The following AIG1 variants were observed in gnomAD, a reference collection of about 807,000 sequenced individuals.
AIG1 encodes androgen-induced gene 1 protein.
AIG1 carries 23 observed loss-of-function variants against 31.4 expected under a neutral mutation model. That is an observed-to-expected ratio of 0.73 (90% CI 0.53 to 1.04). AIG1 has a LOEUF of 1.04. AIG1 is among the 50% of genes least tolerant of loss of function. AIG1 has a pLI of 0.00. For synonymous variants in AIG1, 100 were observed against 110.5 expected (o/e 0.90, Z 0.60); for missense variants, 274 against 295.0 (o/e 0.93, Z 0.52).
chr6:143,151,326 G>T (rs554127838), intron 2 of AIG1, among the ~76,000 whole-genome samples: 2 of 152,126 alleles, frequency 1.3e-5, no homozygotes, highest in Non-Finnish European at 2.9e-5. Flanking sequence ...TGTTCTAAAT[G>T]TAAATGGCAA....
chr6:143,060,528 G>T (rs1053456163), upstream of AIG1: 1 of 282,472 alleles, frequency 3.5e-6, no homozygotes, highest in Non-Finnish European at 8.1e-6. Flanking sequence ...CTTCCCCCTG[G>T]AGATCAGCGC....
At chr6:143,237,759 G>GA (rs1188565246) in intron 3 of AIG1, among the ~76,000 whole-genome samples, 2 of 152,082 alleles carry the variant, frequency 1.3e-5, no homozygotes, top group Non-Finnish European at 2.9e-5. Context: ...AGAGAAGCAG[G>GA]AAAAAGAAAT....
In AIG1 at chr6:143,164,915, A is replaced by G. The variant is rs916393521; in HGVS notation, c.298-167A>G. ...AGGAGGCACCTTACCTTTTACTGCT[A>G]ATGGAATGAAGCTAGACCTGTGTTT... On this transcript the variant is annotated intron_variant, in intron 2 of 5. Transcript: ENST00000357847. 3 of 532,022 alleles carry G rather than the reference A, an allele frequency of 5.6e-6. No homozygotes were observed. In the African/African-American group the frequency reaches 5.8e-5, roughly 10 times the overall value. 33.0% of individuals were successfully genotyped at this position (532,022 alleles called of 1,614,324 possible). A position where few individuals can be genotyped will look rare whatever the true frequency, so the allele number is the denominator to read the frequency against.
intron 3 of AIG1, among the ~76,000 whole-genome samples, chr6:143,272,853 A>G (rs1259110641): frequency 6.6e-6 from 1 of 152,192 alleles, no homozygotes; most frequent in Non-Finnish European, 1.5e-5. Flanking sequence ...GATTTTGGCC[A>G]GGCGCGGTGG....
At chr6:143,202,479 A>C (rs1790775096) in intron 3 of AIG1, among the ~76,000 whole-genome samples, 1 of 152,244 alleles carries the variant, frequency 6.6e-6, no homozygotes, top group Non-Finnish European at 1.5e-5. Flanking sequence ...AATTTGTTAA[A>C]GATAAACTTA....
chr6:143,060,848 G>A, upstream of AIG1: 1 of 981,136 alleles, frequency 1.0e-6, no homozygotes, highest in South Asian at 4.3e-5. Context: ...GGTTCCCACG[G>A]CGCCCGCCCC....
Position 143,330,472 on chromosome 6 carries a change from C to T in AIG1, c.516-2810C>T, listed in dbSNP as rs1234199725. ...TACAAAAGCCTGGAGGCAGAGAGAG[C>T]TTAGAGTGTTCGAGGAACACCAAGG... On this transcript the variant is annotated intron_variant, in intron 4 of 5. Coordinates refer to ENST00000357847, the MANE Select transcript of AIG1 (RefSeq NM_016108.4). This position sits in a 1 kb window ranked among gnomAD's most constrained non-coding sequence, Gnocchi z 4.4. 6.6e-6 allele frequency among the ~76,000 whole-genome samples: 1 copy of T among 152,062 alleles called. No homozygotes were observed. Among genetic ancestry groups the T allele is most frequent in the Non-Finnish European group, 1.5e-5 (1 of 67,996 alleles).
At chr6:143,182,619 A>G (rs540025684) in intron 3 of AIG1, among the ~76,000 whole-genome samples, 14 of 151,996 alleles carry the variant, frequency 9.2e-5, no homozygotes, top group African/African-American at 3.4e-4. Context: ...CCCCCTTCCC[A>G]TGGCACTAAT....
At chr6:143,264,842 A>T (rs1345237618) in intron 3 of AIG1, among the ~76,000 whole-genome samples, 1 of 152,228 alleles carries the variant, frequency 6.6e-6, no homozygotes, top group South Asian at 2.1e-4. Context: ...AAGTCTTATT[A>T]TAGGCTTGAG....
chr6:143,274,356 A>C (rs998216681), intron 3 of AIG1, among the ~76,000 whole-genome samples: 1 of 152,246 alleles, frequency 6.6e-6, no homozygotes, highest in African/African-American at 2.4e-5. Flanking sequence ...AGTCTCTGTA[A>C]AATGGAATTG....
At chr6:143,171,464 A>AT (rs35763823) in intron 3 of AIG1, among the ~76,000 whole-genome samples, 73,870 of 117,128 alleles carry the variant, frequency 0.63, 23,672 homozygotes, top group East Asian at 0.92. Flanking sequence ...TAATATATAT[A>AT]TTTAATATAT....
In AIG1 at chr6:143,280,895, A is replaced by T. The variant is rs576690083; in HGVS notation, c.400-3215A>T. On this transcript the variant is annotated intron_variant, in intron 3 of 5. Transcript: ENST00000357847. The surrounding 1 kb of genome is among the most constrained non-coding windows in gnomAD (Gnocchi z 4.1). ...AAATAAAAGTTAAAAAAAAGTTCTGACTTTATGCTAGCTAATGTTATTGTT... is the reference window on the plus strand; with the variant it reads ...AAATAAAAGTTAAAAAAAAGTTCTGTCTTTATGCTAGCTAATGTTATTGTT... 1.3e-5 allele frequency among the ~76,000 whole-genome samples: 2 copies of T among 152,302 alleles called. No individual in the cohort carries two copies. The highest frequency in any genetic ancestry group is 4.1e-4 in the South Asian group (2 of 4,828).
At chr6:143,240,395 G>A (rs1484175259) in intron 3 of AIG1, among the ~76,000 whole-genome samples, 2 of 152,226 alleles carry the variant, frequency 1.3e-5, no homozygotes, top group Admixed American at 1.3e-4. Context: ...AGTTTAGCTT[G>A]GAGAAGTTAC....
rs1798059126 is a variant in AIG1 at position 143,291,531 on chromosome 6, GC to G, written c.515+7307del. 6.6e-6 allele frequency among the ~76,000 whole-genome samples: 1 copy of G among 152,234 alleles called. No individual in the cohort carries two copies. The highest frequency in any genetic ancestry group is 2.1e-4 in the South Asian group (1 of 4,838). ...GCCTCACAGCACTAATCAGTGGGAA[GC>G]AGGGATTTGCCAATGACAGGGAAAG... On this transcript the variant is annotated intron_variant, in intron 4 of 5. Transcript: ENST00000357847. The surrounding 1 kb of genome is among the most constrained non-coding windows in gnomAD (Gnocchi z 4.2).
At chr6:143,206,739 T>C (rs1791140251) in intron 3 of AIG1, among the ~76,000 whole-genome samples, 1 of 152,344 alleles carries the variant, frequency 6.6e-6, no homozygotes, top group South Asian at 2.1e-4. Flanking sequence ...AACCAAATTT[T>C]ATGAGTCAGC....
intron 3 of AIG1, among the ~76,000 whole-genome samples, chr6:143,281,198 C>T (rs1378177778): frequency 6.6e-6 from 1 of 152,190 alleles, no homozygotes; most frequent in African/African-American, 2.4e-5. Flanking sequence ...ACCTCCAGAC[C>T]TACTAGCTCT....
intron 1 of AIG1, among the ~76,000 whole-genome samples, chr6:143,071,271 C>A (rs760866998): frequency 6.6e-6 from 1 of 152,130 alleles, no homozygotes; most frequent in Non-Finnish European, 1.5e-5. Flanking sequence ...ATCAGTAGTT[C>A]GTTCCTTTTT....
intron 1 of AIG1, among the ~76,000 whole-genome samples, chr6:143,109,171 G>A (rs1451704213): frequency 6.6e-6 from 1 of 151,996 alleles, no homozygotes; most frequent in Non-Finnish European, 1.5e-5. Flanking sequence ...CATTCTTGTG[G>A]TTGTGTGTTC....
chr6:143,116,190 T>C (rs964612938), intron 1 of AIG1, among the ~76,000 whole-genome samples: 3 of 152,208 alleles, frequency 2.0e-5, no homozygotes, highest in African/African-American at 7.2e-5. Context: ...AAGTAAGTAA[T>C]GATAAAGCCA....
Sources: allele counts gnomAD v4.1 joint callset (sites outside exome capture counted in the v4.1 genomes callset), GRCh38; gene constraint gnomAD v4.1.1; non-coding constraint Gnocchi (gnomAD v3.1); transcripts MANE v1.5; gene names NCBI Gene and HGNC (gene_info 2026-07-23, HGNC 2026-07-21).